Variants in PPP2R2C observed in about 807,000 individuals in gnomAD.
PPP2R2C encodes the protein protein phosphatase 2 regulatory subunit Bgamma, also known as protein phosphatase 2, regulatory subunit B, gamma.
In PPP2R2C, 10 loss-of-function variants were observed where a neutral mutation model predicts 45.3. That is an observed-to-expected ratio of 0.22 (90% CI 0.14 to 0.37). The LOEUF (loss-of-function observed/expected upper bound fraction) is 0.37. Ranked by LOEUF, PPP2R2C falls within the 10% of genes least tolerant of loss-of-function variation. PPP2R2C has a pLI of 1.00. For synonymous variants in PPP2R2C, 257 were observed against 245.4 expected (o/e 1.05, Z -0.44); for missense variants, 308 against 619.7 (o/e 0.50, Z 5.34).
upstream of PPP2R2C, among the ~76,000 whole-genome samples, chr4:6,474,744 C>A (rs565456291): frequency 6.6e-6 from 1 of 151,042 alleles, no homozygotes; most frequent in Non-Finnish European, 1.5e-5. Context: ...GCCCCACCCC[C>A]ACCACAAGCA....
Position 6,465,986 on chromosome 4 carries a change from G to A in PPP2R2C, c.70+6174C>T, listed in dbSNP as rs369326147. On this transcript the variant is annotated intron_variant, in intron 1 of 8. Coordinates refer to ENST00000382599, the MANE Select transcript of PPP2R2C (RefSeq NM_020416.4). ...TAATCATTTTCAGTGTCAGCGATTGGCAAATATGGGCACGTAACACACGTT... is the reference window on the plus strand; with the variant it reads ...TAATCATTTTCAGTGTCAGCGATTGACAAATATGGGCACGTAACACACGTT... Among the ~76,000 whole-genome samples the A allele has an allele frequency of 1.3e-4, 20 of 152,304 alleles. 1 individual carries two copies. The highest frequency in any genetic ancestry group is 4.6e-4 in the African/African-American group (19 of 41,560).
At chr4:6,470,661 G>A (rs987485558) in intron 1 of PPP2R2C, among the ~76,000 whole-genome samples, 2 of 152,166 alleles carry the variant, frequency 1.3e-5, no homozygotes, top group African/African-American at 4.8e-5. Context: ...CTCTGTCGCT[G>A]CAGGCTGCGA....
At chr4:6,508,528 G>T (rs187594685) in intron 2 of PPP2R2C, among the ~76,000 whole-genome samples, 1 of 152,096 alleles carries the variant, frequency 6.6e-6, no homozygotes, top group Non-Finnish European at 1.5e-5. Flanking sequence ...GACAGAGCTT[G>T]CAGTGAGCCA....
At chr4:6,451,063 C>A (rs1310148664) in intron 1 of PPP2R2C, among the ~76,000 whole-genome samples, 1 of 152,214 alleles carries the variant, frequency 6.6e-6, no homozygotes, top group Non-Finnish European at 1.5e-5. Flanking sequence ...CCTGGACGTG[C>A]CACCACCCAA....
intron 6 of PPP2R2C, among the ~76,000 whole-genome samples, chr4:6,334,397 C>A (rs1233711873): frequency 1.3e-5 from 2 of 152,176 alleles, no homozygotes; most frequent in Non-Finnish European, 2.9e-5. Flanking sequence ...TCCCTAAAGG[C>A]AACGGTTTGC....
intron 1 of PPP2R2C, 118 bp from the exon 2 acceptor site, chr4:6,381,212 C>A (rs1715767183): frequency 3.9e-6 from 6 of 1,541,184 alleles, no homozygotes; most frequent in Admixed American, 2.0e-5. Context: ...CAGCCCTGGG[C>A]AGGAGGCAGC....
intron 2 of PPP2R2C, among the ~76,000 whole-genome samples, chr4:6,518,922 T>TAAAAAAAAAAAAAAAAAA (rs56002128): frequency 6.5e-4 from 60 of 92,904 alleles, no homozygotes; most frequent in African/African-American, 8.7e-4. Context: ...GACTCTGTCT[T>TAAAAAAAAAAAAAAAAAA]AAAAAAAAAA....
At position 6,347,988 on chromosome 4, in the gene PPP2R2C, G is replaced by A. The variant is rs144852197; in HGVS notation, c.648C>T (p.Ala216=). 2 of 1,613,942 alleles carry A rather than the reference G, an allele frequency of 1.2e-6. No individual in the cohort carries two copies. The highest frequency in any genetic ancestry group is 1.7e-6 in the Non-Finnish European group (2 of 1,179,948). Residue 216 remains alanine, a synonymous_variant, in exon 6 of 9, where the codon GCC becomes GCT. Transcript: ENST00000382599. ...TCACCTCCGTAAGGTCCTCCATGTT[G>A]GCCGGCTTGATGTCCACGATGTCTG... ...RSFNIVDIKP[A]NMEDLTEVIT...
intron 2 of PPP2R2C, among the ~76,000 whole-genome samples, chr4:6,481,934 G>A (rs895839564): frequency 3.2e-5 from 4 of 124,720 alleles, no homozygotes; most frequent in Non-Finnish European, 4.7e-5. Context: ...AGCCGAGATC[G>A]CACCACTGCA....
intron 1 of PPP2R2C, among the ~76,000 whole-genome samples, chr4:6,469,500 T>A (rs1373168958): frequency 1.3e-5 from 2 of 152,218 alleles, no homozygotes; most frequent in African/African-American, 4.8e-5. Flanking sequence ...TTACAAGGCA[T>A]ATAAATAATA....
In PPP2R2C at chr4:6,322,027, C is replaced by T. The variant is rs1731580128; in HGVS notation, c.*1275G>A. On this transcript the variant is annotated 3_prime_UTR_variant, in exon 9 of 9. Coordinates refer to ENST00000382599, the MANE Select transcript of PPP2R2C (RefSeq NM_020416.4). The surrounding 1 kb of genome is among the most constrained non-coding windows in gnomAD (Gnocchi z 7.8). Reference sequence around the variant, plus strand: ...CTGGGGAGGGCCACACTCCTGAAGCCACCAAGCAGAGCGAGGAGCTCCGGG... The same window carrying T: ...CTGGGGAGGGCCACACTCCTGAAGCTACCAAGCAGAGCGAGGAGCTCCGGG... 1 of 152,188 alleles carries T rather than the reference C, an allele frequency of 6.6e-6. No individual in the cohort carries two copies. The highest frequency in any genetic ancestry group is 6.5e-5 in the Admixed American group (1 of 15,284). 9.4% of individuals were successfully genotyped at this position (152,188 alleles called of 1,614,324 possible).
chr4:6,456,092 T>C (rs1186374309), intron 1 of PPP2R2C, among the ~76,000 whole-genome samples: 1 of 152,206 alleles, frequency 6.6e-6, no homozygotes, highest in Non-Finnish European at 1.5e-5. Context: ...AATCCATAAA[T>C]AGTTATTGAA....
rs138842895 is a variant in PPP2R2C, at chr4:6,384,679, T to C, written c.71-3585A>G. 2.3e-5 allele frequency: 23 copies of C among 985,468 alleles called. No homozygotes were observed. In the African/African-American group the frequency reaches 3.7e-4, roughly 16 times the overall value. The allele number at this position is 985,468 out of a possible 1,614,324, so 61.0% of individuals were successfully genotyped here. A position where few individuals can be genotyped will look rare whatever the true frequency, so the allele number is the denominator to read the frequency against. On this transcript the variant is annotated intron_variant, in intron 1 of 8. Coordinates refer to ENST00000382599, the MANE Select transcript of PPP2R2C (RefSeq NM_020416.4). ...AATGCAGTCCACAAATGCTGGGTGGTTACCAGGCAACACACACTAATGTCT... is the reference window on the plus strand; with the variant it reads ...AATGCAGTCCACAAATGCTGGGTGGCTACCAGGCAACACACACTAATGTCT...
chr4:6,403,932 G>A (rs556342995), intron 1 of PPP2R2C, among the ~76,000 whole-genome samples: 40 of 151,586 alleles, frequency 2.6e-4, no homozygotes, highest in African/African-American at 8.5e-4. Context: ...CATTTCACCC[G>A]TCACTGTCAT....
chr4:6,323,540 G>C lies in PPP2R2C; in HGVS notation c.1106C>G (p.Thr369Ser). 1 of 1,591,458 alleles carries C rather than the reference G, an allele frequency of 6.3e-7. No individual in the cohort carries two copies. The highest frequency in any genetic ancestry group is 1.1e-5 in the South Asian group (1 of 90,080). ...NNFFRMFDRN[T>S]KRDVTLEASR... ...GGCCTCCAGGGTCACGTCCCGCTTG[G>C]TGTTCCGATCGAACATGCGGAAGAA... Residue 369 changes from threonine to serine, a missense_variant, in exon 9 of 9, where the codon ACC (threonine) becomes AGC (serine). By Grantham distance (58) the Thr-to-Ser change is moderately conservative (BLOSUM62 1). Coordinates refer to ENST00000382599, the MANE Select transcript of PPP2R2C (RefSeq NM_020416.4).
intron 2 of PPP2R2C, among the ~76,000 whole-genome samples, chr4:6,520,372 G>A (rs1018159982): frequency 4.8e-5 from 7 of 146,118 alleles, no homozygotes; most frequent in African/African-American, 1.1e-4. Flanking sequence ...CTCTGTCCCC[G>A]AGCAGCTCAC....
intron 2 of PPP2R2C, among the ~76,000 whole-genome samples, chr4:6,510,990 C>A (rs55697434): frequency 0.88 from 113,623 of 129,510 alleles, 50,291 homozygotes; most frequent in East Asian, 0.96. Flanking sequence ...CAAAAAAAAA[C>A]AAACAAACAA....
intron 1 of PPP2R2C, among the ~76,000 whole-genome samples, chr4:6,398,829 T>C (rs186889334): frequency 6.6e-6 from 1 of 152,220 alleles, no homozygotes; most frequent in East Asian, 1.9e-4. Flanking sequence ...AGCTCAGAAT[T>C]AGAAAAAACT....
chr4:6,542,671 T>A (rs1243773446), intron 1 of PPP2R2C, among the ~76,000 whole-genome samples: 1 of 119,336 alleles, frequency 8.4e-6, no homozygotes, highest in Non-Finnish European at 1.6e-5. Context: ...ACCACTGAAC[T>A]CCCCTTGGGT....
Sources: gnomAD v4.1 joint callset for allele counts (sites outside exome capture counted in the v4.1 genomes callset) on GRCh38, gnomAD v4.1.1 for gene constraint, Gnocchi (gnomAD v3.1) non-coding constraint, MANE v1.5 for transcripts, NCBI Gene and HGNC (gene_info 2026-07-23, HGNC 2026-07-21) for gene names.